Variants in MAST4 observed in about 807,000 individuals in gnomAD.
MAST4 encodes microtubule associated serine/threonine kinase family member 4, also known as microtubule-associated serine/threonine-protein kinase 4.
In MAST4, 89 loss-of-function variants were observed where a neutral mutation model predicts 162.7. The ratio of observed to expected loss-of-function variants is 0.55; its 90% CI spans 0.46 to 0.65. The LOEUF (loss-of-function observed/expected upper bound fraction) is 0.65. Ranked by LOEUF, MAST4 falls within the 30% of genes least tolerant of loss-of-function variation. The pLI is 0.00. For synonymous variants in MAST4, 1,479 were observed against 1,361.1 expected (o/e 1.09, Z -1.91); for missense variants, 3,153 against 3,374.0 (o/e 0.93, Z 1.62).
chr5:67,145,451 C>T (rs1488544165), intron 23 of MAST4, 72 bp downstream of exon 23: 11 of 1,335,252 alleles, frequency 8.2e-6, no homozygotes, highest in East Asian at 2.4e-5. Context: ...AGTCCCAGGG[C>T]GGGCCTCGCC....
At chr5:66,667,917 T>A (rs933372372) in intron 1 of MAST4, among the ~76,000 whole-genome samples, 7 of 152,242 alleles carry the variant, frequency 4.6e-5, no homozygotes, top group Non-Finnish European at 8.8e-5. Context: ...TTATCAATAG[T>A]GAGCCTAGCT....
At chr5:66,695,140 T>A (rs1749315544) in intron 1 of MAST4, among the ~76,000 whole-genome samples, 1 of 152,200 alleles carries the variant, frequency 6.6e-6, no homozygotes, top group South Asian at 2.1e-4. Context: ...TCTAGTGTTT[T>A]TATAGTTTTG....
chr5:67,041,876 G>A (rs757874923), intron 4 of MAST4, among the ~76,000 whole-genome samples: 3 of 152,240 alleles, frequency 2.0e-5, no homozygotes, highest in Non-Finnish European at 2.9e-5. Context: ...TGATCTGCCT[G>A]CCTTGGCTCC....
intron 2 of MAST4, among the ~76,000 whole-genome samples, chr5:66,768,672 G>A (rs547748854): frequency 3.0e-4 from 46 of 152,208 alleles, no homozygotes; most frequent in African/African-American, 9.9e-4. Context: ...GCTATAAAAG[G>A]GCAACATGAG....
chr5:67,160,535 A>G lies in MAST4; in HGVS notation c.3728A>G (p.Tyr1243Cys), dbSNP rs773958946. 1.2e-5 allele frequency: 20 copies of G among 1,613,984 alleles called. No homozygotes were observed. In the East Asian group the frequency reaches 2.0e-4, roughly 16 times the overall value. ...IKTGPARRNS[Y>C]KSRMVRRSKK... ...ACTGGACCAGCCAGGAGAAACAGCT[A>G]TAAGAGCCGGATGGTGAGGCGGAGC... Residue 1243 changes from tyrosine to cysteine, a missense_variant, in exon 27 of 29, where the codon TAT (tyrosine) becomes TGT (cysteine). Physicochemically the swap from Tyr to Cys is radical, Grantham distance 194. Transcript: ENST00000403625.
chr5:66,865,794 G>A (rs1429830476), intron 3 of MAST4, among the ~76,000 whole-genome samples: 1 of 152,098 alleles, frequency 6.6e-6, no homozygotes, highest in Non-Finnish European at 1.5e-5. Flanking sequence ...CTGGAAATAG[G>A]CCAGGTGCGG....
rs186299884 is a variant in MAST4, at chr5:66,911,215, C to G, written c.674+11233C>G. Among the ~76,000 whole-genome samples the G allele has an allele frequency of 1.2e-3, 176 of 152,266 alleles. 2 individuals are homozygous for G. Among genetic ancestry groups the G allele is most frequent in the South Asian group, 9.3e-3 (45 of 4,824 alleles). ...TCTGCTTCATCCCGTGCATCACTCA[C>G]ATAACTTTTGACCAGCACCGTAAGG... On this transcript the variant is annotated intron_variant, in intron 4 of 28. Transcript: ENST00000403625.
chr5:66,824,932 C>G (rs1312726167), intron 3 of MAST4, among the ~76,000 whole-genome samples: 2 of 152,112 alleles, frequency 1.3e-5, no homozygotes, highest in Non-Finnish European at 2.9e-5. Context: ...TTGGAAGTTG[C>G]TGTGGGTGAG....
At chr5:67,145,413 T>C in intron 23 of MAST4, 34 bp downstream of exon 23, 2 of 1,577,842 alleles carry the variant, frequency 1.3e-6, no homozygotes, top group Non-Finnish European at 1.7e-6. Flanking sequence ...GCTGTCCTCC[T>C]CACCACACTA....
At chr5:66,701,482 G>A (rs1203722473) in intron 1 of MAST4, among the ~76,000 whole-genome samples, 1 of 152,140 alleles carries the variant, frequency 6.6e-6, no homozygotes, top group African/African-American at 2.4e-5. Context: ...TCAAGCCCAG[G>A]TGTGTTTAGC....
intron 3 of MAST4, among the ~76,000 whole-genome samples, chr5:66,818,414 A>C (rs1483722297): frequency 3.4e-5 from 5 of 145,830 alleles, no homozygotes; most frequent in African/African-American, 9.8e-5. Context: ...ATAAAGAGAA[A>C]TTTTGCCACT....
At chr5:67,134,417 G>A (rs1179251960) in intron 17 of MAST4, 106 bp from the exon 18 acceptor site, 13 of 884,250 alleles carry the variant, frequency 1.5e-5, no homozygotes, top group Non-Finnish European at 2.2e-5. Context: ...GGTTCCATGT[G>A]GTTGAGCAGG....
intron 4 of MAST4, chr5:67,001,720 T>G (rs930861875): frequency 2.0e-5 from 3 of 152,130 alleles, no homozygotes; most frequent in African/African-American, 4.8e-5. Context: ...AATATGAGAG[T>G]TGGGAGGTAT....
rs769583394 is a variant in MAST4 at position 66,959,250 on chromosome 5, G to T, written c.674+59268G>T. On this transcript the variant is annotated intron_variant, in intron 4 of 28. Coordinates refer to ENST00000403625, the MANE Select transcript of MAST4 (RefSeq NM_001164664.2). ...GAGTGTGCTAACATATAACAACCAT[G>T]AAAGCCCAGCGGGAAAGGCTACAGA... is the stretch of plus-strand genomic sequence containing the variant. 3.8e-6 allele frequency: 3 copies of T among 779,716 alleles called. No homozygotes were observed. In the South Asian group the frequency reaches 4.0e-5, roughly 10 times the overall value. 48.3% of individuals were successfully genotyped at this position (779,716 alleles called of 1,614,324 possible). A position where few individuals can be genotyped will look rare whatever the true frequency, so the allele number is the denominator to read the frequency against.
intron 1 of MAST4, among the ~76,000 whole-genome samples, chr5:66,702,252 T>C (rs1400550842): frequency 6.6e-6 from 1 of 152,152 alleles, no homozygotes; most frequent in Non-Finnish European, 1.5e-5. Context: ...TCGACTGCCA[T>C]GGGGTTCACT....
At position 67,082,092 on chromosome 5, in the gene MAST4, G is replaced by T. The variant is rs562606572; in HGVS notation, c.764-8070G>T. ...TTTCATAACCTGAATCTAGTTATAAGGAAATACTATGCAACCCAAATTGAG... is the reference window on the plus strand; with the variant it reads ...TTTCATAACCTGAATCTAGTTATAATGAAATACTATGCAACCCAAATTGAG... On this transcript the variant is annotated intron_variant, in intron 5 of 28. Transcript: ENST00000403625. 1.1e-3 allele frequency among the ~76,000 whole-genome samples: 174 copies of T among 151,444 alleles called. 1 individual carries two copies. Among genetic ancestry groups the T allele is most frequent in the African/African-American group, 4.0e-3 (164 of 41,264 alleles).
intron 4 of MAST4, among the ~76,000 whole-genome samples, chr5:66,988,127 G>T (rs993631622): frequency 2.0e-5 from 3 of 152,118 alleles, no homozygotes; most frequent in African/African-American, 7.2e-5. Flanking sequence ...AGTTGGCTGG[G>T]GGCATTGTAA....
intron 1 of MAST4, among the ~76,000 whole-genome samples, chr5:66,704,975 G>A (rs1750037922): frequency 6.6e-6 from 1 of 152,186 alleles, no homozygotes; most frequent in South Asian, 2.1e-4. Context: ...CCCAGCAGGA[G>A]AGTTTTTGTT....
At chr5:67,134,956 T>C (rs1291336765) in intron 18 of MAST4, among the ~76,000 whole-genome samples, 1 of 152,222 alleles carries the variant, frequency 6.6e-6, no homozygotes, top group Non-Finnish European at 1.5e-5. Context: ...GTGCTTTTTC[T>C]GCAAAGGAAA....
Sources: gnomAD v4.1 joint callset for allele counts (sites outside exome capture counted in the v4.1 genomes callset) on GRCh38, gnomAD v4.1.1 for gene constraint, MANE v1.5 for transcripts, NCBI Gene and HGNC (gene_info 2026-07-23, HGNC 2026-07-21) for gene names.